The following ARHGEF26 variants were observed in gnomAD, a reference collection of about 807,000 sequenced individuals.
ARHGEF26 encodes the protein Rho guanine nucleotide exchange factor 26.
A neutral mutation model predicts 89.4 loss-of-function variants in ARHGEF26; 59 were observed. The ratio of observed to expected loss-of-function variants is 0.66; its 90% CI spans 0.54 to 0.82. ARHGEF26 has a LOEUF of 0.82. Ranked by LOEUF, ARHGEF26 falls within the 40% of genes least tolerant of loss-of-function variation. ARHGEF26 has a pLI of 0.00. For synonymous variants in ARHGEF26, 500 were observed against 428.4 expected (o/e 1.17, Z -2.06); for missense variants, 1,234 against 1,085.6 (o/e 1.14, Z -1.92).
intron 6 of ARHGEF26, among the ~76,000 whole-genome samples, chr3:154,160,554 C>A (rs572061764): frequency 1.3e-5 from 2 of 152,012 alleles, no homozygotes; most frequent in African/African-American, 4.8e-5. Flanking sequence ...TATTTTGGAA[C>A]CTGAAAAACC....
intron 12 of ARHGEF26, among the ~76,000 whole-genome samples, chr3:154,249,719 A>G (rs1425947994): frequency 1.3e-5 from 2 of 152,192 alleles, no homozygotes; most frequent in Admixed American, 6.5e-5. Context: ...AGGAGTGGTA[A>G]GGCGAGTCTT....
intron 9 of ARHGEF26, among the ~76,000 whole-genome samples, chr3:154,196,791 C>T (rs914313588): frequency 6.0e-5 from 9 of 151,122 alleles, no homozygotes; most frequent in African/African-American, 1.5e-4. Context: ...GGGAGGGAAA[C>T]GGGGGAAGGT....
intron 9 of ARHGEF26, among the ~76,000 whole-genome samples, chr3:154,212,668 T>C (rs1049073338): frequency 6.6e-6 from 1 of 152,018 alleles, no homozygotes; most frequent in East Asian, 1.9e-4. Flanking sequence ...CATCAGGCAT[T>C]AGATTCTCAT....
At chr3:154,238,025 G>A (rs1241403328) in intron 11 of ARHGEF26, among the ~76,000 whole-genome samples, 2 of 152,056 alleles carry the variant, frequency 1.3e-5, no homozygotes, top group Non-Finnish European at 2.9e-5. Flanking sequence ...TTTTATCCTG[G>A]TTTTGGTTTT....
chr3:154,235,506 G>A (rs1225811295), intron 11 of ARHGEF26, among the ~76,000 whole-genome samples: 5 of 152,294 alleles, frequency 3.3e-5, no homozygotes, highest in Admixed American at 2.0e-4. Context: ...CATCTGCAAA[G>A]AGTTAGTTGT....
intron 6 of ARHGEF26, among the ~76,000 whole-genome samples, chr3:154,155,604 C>T (rs1385554214): frequency 2.0e-5 from 3 of 151,836 alleles, no homozygotes; most frequent in African/African-American, 7.3e-5. Context: ...AGGACGTGTA[C>T]GTTCATTTAT....
At chr3:154,140,587 GCT>G (rs1491524120) in intron 4 of ARHGEF26, among the ~76,000 whole-genome samples, 1 of 88,710 alleles carries the variant, frequency 1.1e-5, no homozygotes, top group Non-Finnish European at 2.0e-5. Flanking sequence ...GTTTCTGAGT[GCT>G]TTTTTTTTTT....
rs545912596 is a variant in ARHGEF26 at position 154,206,784 on chromosome 3, A to T, written c.1846-11085A>T. 1.4e-4 allele frequency among the ~76,000 whole-genome samples: 21 copies of T among 152,328 alleles called. No individual in the cohort carries two copies. The South Asian group carries it at 2.1e-3, about 15-fold the overall frequency. On this transcript the variant is annotated intron_variant, in intron 9 of 14. Transcript: ENST00000465093. The stretch of plus-strand genomic sequence containing the variant: ...GTATTTTAAAATTCCTATGGAACAA[A>T]CGAAGAGCATAAATAGCCAAGGCAA...
chr3:154,158,590 A>G (rs33954719), intron 6 of ARHGEF26, among the ~76,000 whole-genome samples: 27,096 of 151,964 alleles, frequency 0.18, 2,930 homozygotes, highest in East Asian at 0.36. Context: ...AACTGTACCA[A>G]CTTCTTCCCT....
rs569803054 is a variant in ARHGEF26 at position 154,203,830 on chromosome 3, G to A, written c.1845+9112G>A. Among the ~76,000 whole-genome samples, 26 of 150,356 alleles carry A rather than the reference G, an allele frequency of 1.7e-4. No individual in the cohort carries two copies. The South Asian group carries it at 2.9e-3, about 17-fold the overall frequency. On this transcript the variant is annotated intron_variant, in intron 9 of 14. Transcript: ENST00000465093. Reference sequence around the variant, plus strand: ...TCCTTGCATCCCAGGGATAAATCCCGCTTGGCCATGATAATCTCTCTTTTT... The same window carrying A: ...TCCTTGCATCCCAGGGATAAATCCCACTTGGCCATGATAATCTCTCTTTTT...
At chr3:154,224,085 C>T (rs1159751609) in intron 10 of ARHGEF26, among the ~76,000 whole-genome samples, 1 of 152,028 alleles carries the variant, frequency 6.6e-6, no homozygotes, top group Admixed American at 6.6e-5. Flanking sequence ...AATTTCTTTT[C>T]TAGTTTCTGG....
chr3:154,255,664 C>A lies in ARHGEF26; in HGVS notation c.*191C>A. On this transcript the variant is annotated 3_prime_UTR_variant, in exon 15 of 15. Coordinates refer to ENST00000465093, the MANE Select transcript of ARHGEF26 (RefSeq NM_015595.4). Reference sequence around the variant, plus strand: ...TTGGATACAGTGAGTTTGCACAGCTCAGTTTTTACCTAACCACACACTTGC... The same window carrying A: ...TTGGATACAGTGAGTTTGCACAGCTAAGTTTTTACCTAACCACACACTTGC... 7.2e-7 allele frequency: 1 copy of A among 1,397,182 alleles called. No individual in the cohort carries two copies. Among genetic ancestry groups the A allele is most frequent in the Non-Finnish European group, 9.2e-7 (1 of 1,082,596 alleles). 86.5% of individuals were successfully genotyped at this position (1,397,182 alleles called of 1,614,324 possible).
In ARHGEF26 at chr3:154,256,722, A is replaced by AAGAT. The variant is rs1271631466; in HGVS notation, c.*1251_*1254dup. On this transcript the variant is annotated 3_prime_UTR_variant, in exon 15 of 15. Coordinates refer to ENST00000465093, the MANE Select transcript of ARHGEF26 (RefSeq NM_015595.4). ...CAAGGAAGGGAAAATTAGGCCTTAA[A>AAGAT]AGATACCAAGAAGTCAGCATGGTAC... is the stretch of plus-strand genomic sequence containing the variant. The AAGAT allele has an allele frequency of 1.5e-6, 2 of 1,370,396 alleles. No individual in the cohort carries two copies. Among genetic ancestry groups the AAGAT allele is most frequent in the South Asian group, 3.8e-5 (2 of 52,168 alleles). 84.9% of individuals were successfully genotyped at this position (1,370,396 alleles called of 1,614,324 possible). A position where few individuals can be genotyped will look rare whatever the true frequency, so the allele number is the denominator to read the frequency against.
At chr3:154,157,216 G>C (rs1271211796) in intron 6 of ARHGEF26, among the ~76,000 whole-genome samples, 1 of 152,036 alleles carries the variant, frequency 6.6e-6, no homozygotes, top group East Asian at 1.9e-4. Flanking sequence ...ATTCTGCAAG[G>C]CTCCTAAGTT....
chr3:154,182,348 G>A (rs887229976), intron 6 of ARHGEF26, among the ~76,000 whole-genome samples: 2 of 152,110 alleles, frequency 1.3e-5, no homozygotes, highest in African/African-American at 4.8e-5. Context: ...AGGGAAAAAG[G>A]GGAGCGAGAA....
intron 6 of ARHGEF26, among the ~76,000 whole-genome samples, chr3:154,182,345 AAG>A (rs1713240772): frequency 6.6e-6 from 1 of 152,086 alleles, no homozygotes; most frequent in African/African-American, 2.4e-5. Context: ...ATGAGGGAAA[AAG>A]GGGAGCGAGA....
chr3:154,158,507 G>A (rs778496038), intron 6 of ARHGEF26, among the ~76,000 whole-genome samples: 1 of 152,072 alleles, frequency 6.6e-6, no homozygotes, highest in African/African-American at 2.4e-5. Context: ...TTAAATTTAG[G>A]TAGTACCTAG....
intron 10 of ARHGEF26, among the ~76,000 whole-genome samples, chr3:154,222,914 C>T (rs1186586709): frequency 2.0e-5 from 3 of 152,044 alleles, no homozygotes; most frequent in East Asian, 3.9e-4. Flanking sequence ...GAGAGCTTAT[C>T]CTCTGAGATG....
chr3:154,158,853 T>C (rs1445882909), intron 6 of ARHGEF26, among the ~76,000 whole-genome samples: 3 of 152,152 alleles, frequency 2.0e-5, no homozygotes, highest in African/African-American at 7.2e-5. Flanking sequence ...CTTAGGATAA[T>C]TTATAGATAA....
Sources: gnomAD v4.1 joint callset for allele counts (sites outside exome capture counted in the v4.1 genomes callset) on GRCh38, gnomAD v4.1.1 for gene constraint, MANE v1.5 for transcripts, NCBI Gene and HGNC (gene_info 2026-07-23, HGNC 2026-07-21) for gene names.